The following KSR2 variants were observed in gnomAD, a reference collection of about 807,000 sequenced individuals.
KSR2 encodes the protein kinase suppressor of ras 2.
In KSR2, 25 loss-of-function variants were observed where a neutral mutation model predicts 107.8. The ratio of observed to expected loss-of-function variants is 0.23; its 90% CI spans 0.17 to 0.32. The LOEUF is 0.32. KSR2 is among the 10% of genes least tolerant of loss of function. The pLI is 1.00. For synonymous variants in KSR2, 480 were observed against 507.0 expected (o/e 0.95, Z 0.71); for missense variants, 887 against 1,268.9 (o/e 0.70, Z 4.57).
chr12:117,876,754 AATAT>A (rs1028663274), intron 1 of KSR2, among the ~76,000 whole-genome samples: 1 of 148,758 alleles, frequency 6.7e-6, no homozygotes, highest in Non-Finnish European at 1.5e-5. Context: ...TATAATTTGA[AATAT>A]ATATATTTAT....
intron 3 of KSR2, among the ~76,000 whole-genome samples, chr12:117,824,436 A>G (rs1891667803): frequency 6.6e-6 from 1 of 152,240 alleles, no homozygotes; most frequent in Non-Finnish European, 1.5e-5. Flanking sequence ...CATAAAGAAA[A>G]GACAAATATT....
At chr12:117,472,046 C>T (rs887386617) in intron 17 of KSR2, among the ~76,000 whole-genome samples, 7 of 151,812 alleles carry the variant, frequency 4.6e-5, no homozygotes, top group African/African-American at 1.5e-4. Context: ...GGTTTGACAG[C>T]GACTTGGGTT....
chr12:117,702,019 C>T (rs1886346840), intron 4 of KSR2, among the ~76,000 whole-genome samples: 1 of 152,224 alleles, frequency 6.6e-6, no homozygotes, highest in Non-Finnish European at 1.5e-5. Flanking sequence ...TGTGATCTGG[C>T]CCTTCCCACT....
intron 14 of KSR2, among the ~76,000 whole-genome samples, chr12:117,518,310 C>G (rs972007625): frequency 6.6e-6 from 1 of 152,278 alleles, no homozygotes; most frequent in Admixed American, 6.5e-5. Flanking sequence ...CTGGGGCACA[C>G]AGTCTGAGCC....
Position 117,469,742 on chromosome 12 carries a change from G to A in KSR2, c.2766C>T (p.Thr922=). The change falls in exon 19 of 20, where the codon ACC becomes ACT. Residue 922 remains threonine (T), a synonymous_variant. Coordinates refer to ENST00000339824, the MANE Select transcript of KSR2 (RefSeq NM_173598.6). The stretch of plus-strand genomic sequence containing the variant: ...GTTTCTCCAGCATGTCCATGAGCTT[G>A]GTGAAGGTAGGTCTCTCTTCTTGTT... The part of the protein sequence containing the change: ...AFEQEERPTF[T]KLMDMLEKLP... 6.2e-7 allele frequency: 1 copy of A among 1,613,850 alleles called. No individual in the cohort carries two copies. Among genetic ancestry groups the A allele is most frequent in the Non-Finnish European group, 8.5e-7 (1 of 1,179,832 alleles).
At chr12:117,535,357 A>T (rs1875967962) in intron 10 of KSR2, among the ~76,000 whole-genome samples, 1 of 152,198 alleles carries the variant, frequency 6.6e-6, no homozygotes, top group African/African-American at 2.4e-5. Flanking sequence ...GCCTAGTCTC[A>T]TGCAGCTGGC....
At chr12:117,591,754 A>C (rs945967327) in intron 5 of KSR2, among the ~76,000 whole-genome samples, 3 of 151,876 alleles carry the variant, frequency 2.0e-5, no homozygotes, top group Admixed American at 6.6e-5. Context: ...CCGTAATCCC[A>C]GCACTTTGGG....
At chr12:117,872,359 T>C (rs1593326119) in intron 1 of KSR2, among the ~76,000 whole-genome samples, 1 of 151,402 alleles carries the variant, frequency 6.6e-6, no homozygotes, top group Admixed American at 6.6e-5. Flanking sequence ...AGGCCAGGAG[T>C]TCAAGACCAG....
At chr12:117,863,696 G>A (rs1046659200) in intron 1 of KSR2, among the ~76,000 whole-genome samples, 8 of 152,098 alleles carry the variant, frequency 5.3e-5, no homozygotes, top group African/African-American at 1.9e-4. Flanking sequence ...TCGCAGTTCT[G>A]GAGATCAAAA....
At chr12:117,516,485 T>C (rs1027340951) in intron 14 of KSR2, among the ~76,000 whole-genome samples, 3 of 152,174 alleles carry the variant, frequency 2.0e-5, no homozygotes, top group African/African-American at 4.8e-5. Context: ...TGAGAGAAAA[T>C]ACATGACTTC....
chr12:117,459,609 C>T lies in KSR2; in HGVS notation c.*7590G>A, dbSNP rs1039970613. ...CCAATGACTTGGTTGAAGATGAAAA[C>T]TCAGGTGAAAACTTAACCCTTCTGA... On this transcript the variant is annotated 3_prime_UTR_variant, in exon 20 of 20. Coordinates refer to ENST00000339824, the MANE Select transcript of KSR2 (RefSeq NM_173598.6). 1 of 152,196 alleles carries T rather than the reference C, an allele frequency of 6.6e-6. No individual in the cohort carries two copies. Among genetic ancestry groups the T allele is most frequent in the African/African-American group, 2.4e-5 (1 of 41,458 alleles). 9.4% of individuals were successfully genotyped at this position (152,196 alleles called of 1,614,324 possible). A position where few individuals can be genotyped will look rare whatever the true frequency, so the allele number is the denominator to read the frequency against.
intron 5 of KSR2, among the ~76,000 whole-genome samples, chr12:117,617,320 T>C (rs184611611): frequency 1.3e-5 from 2 of 152,362 alleles, no homozygotes; most frequent in Non-Finnish European, 2.9e-5. Context: ...TCTCTTCAAG[T>C]GTGTCTGATC....
At chr12:117,675,322 T>C (rs906569486) in intron 4 of KSR2, among the ~76,000 whole-genome samples, 12 of 152,186 alleles carry the variant, frequency 7.9e-5, no homozygotes, top group African/African-American at 2.9e-4. Context: ...GCAAGGACTA[T>C]GTGACATCTT....
At chr12:117,820,795 G>A (rs1391503611) in intron 3 of KSR2, among the ~76,000 whole-genome samples, 2 of 152,030 alleles carry the variant, frequency 1.3e-5, no homozygotes, top group African/African-American at 4.8e-5. Flanking sequence ...AGCAATTCAG[G>A]ACCTTTCAAA....
At chr12:117,840,675 C>T (rs1200723223) in intron 3 of KSR2, among the ~76,000 whole-genome samples, 4 of 152,034 alleles carry the variant, frequency 2.6e-5, no homozygotes, top group Non-Finnish European at 4.4e-5. Context: ...GGATTACAGG[C>T]GTAAGCCACC....
intron 7 of KSR2, among the ~76,000 whole-genome samples, chr12:117,571,480 G>C (rs931615166): frequency 6.6e-6 from 1 of 152,192 alleles, no homozygotes; most frequent in Non-Finnish European, 1.5e-5. Context: ...ACCTGGGGAA[G>C]GGGGAGGGGC....
intron 4 of KSR2, among the ~76,000 whole-genome samples, chr12:117,671,412 G>T (rs73413165): frequency 0.01 from 1,546 of 152,250 alleles, 21 homozygotes; most frequent in African/African-American, 0.035. Context: ...TATTTTTTCA[G>T]ATTTGCTGTC....
At chr12:117,942,356 A>T (rs1364874495) in intron 1 of KSR2, among the ~76,000 whole-genome samples, 1 of 152,044 alleles carries the variant, frequency 6.6e-6, no homozygotes, top group Admixed American at 6.6e-5. Context: ...TTTTTGACCC[A>T]CTAACCAACC....
intron 14 of KSR2, among the ~76,000 whole-genome samples, chr12:117,486,957 A>G (rs1009903548): frequency 6.6e-6 from 1 of 152,026 alleles, no homozygotes. Flanking sequence ...ACGGGTTAGA[A>G]TCCTGATCTG....
Sources: gnomAD v4.1 joint callset for allele counts (sites outside exome capture counted in the v4.1 genomes callset) on GRCh38, gnomAD v4.1.1 for gene constraint, MANE v1.5 for transcripts, NCBI Gene and HGNC (gene_info 2026-07-23, HGNC 2026-07-21) for gene names.